Variants in CATSPERE observed in about 807,000 individuals in gnomAD.
The protein encoded by CATSPERE is catsper channel auxiliary subunit epsilon.
CATSPERE carries 93 observed loss-of-function variants against 114.1 expected under a neutral mutation model. The observed-to-expected ratio is 0.81, with a 90% CI of 0.69 to 0.97. The LOEUF is 0.97. Ranked by LOEUF, CATSPERE falls within the 50% of genes least tolerant of loss-of-function variation. The pLI is 0.00. For missense variants in CATSPERE, 1,058 were observed against 1,131.6 expected, an observed-to-expected ratio of 0.93 and a Z score of 0.93; for synonymous variants, 341 against 384.1, an observed-to-expected ratio of 0.89 and a Z score of 1.31.
At chr1:244,466,028 G>A (rs1667549476) in intron 2 of CATSPERE, among the ~76,000 whole-genome samples, 2 of 152,256 alleles carry the variant, frequency 1.3e-5, no homozygotes, top group African/African-American at 4.8e-5. Context: ...GTAAAAAATA[G>A]TCGCTATAAG....
At position 244,524,020 on chromosome 1, in the gene CATSPERE, G is replaced by A. The variant is rs947153183; in HGVS notation, c.536+5322G>A. Among the ~76,000 whole-genome samples, 19 of 150,982 alleles carry A rather than the reference G, an allele frequency of 1.3e-4. No individual in the cohort carries two copies. The East Asian group carries it at 2.3e-3, about 18-fold the overall frequency. Reference sequence around the variant, plus strand: ...TTCATATGGAACCAAAAAAGAGCCCGCATCTCCAAGTCAATCCTAAGCCAA... The same window carrying A: ...TTCATATGGAACCAAAAAAGAGCCCACATCTCCAAGTCAATCCTAAGCCAA... On this transcript the variant is annotated intron_variant, in intron 8 of 21. Transcript: ENST00000366534.
intron 10 of CATSPERE, among the ~76,000 whole-genome samples, chr1:244,566,652 CTTTTTTTTTTTTTTTTTTTTT>C (rs59466928): frequency 1.4e-4 from 7 of 49,070 alleles, no homozygotes; most frequent in Non-Finnish European, 3.5e-4. Context: ...GCAACCCCTG[CTTTTTTTTTTTTTTTTTTTTT>C]TTTTTTTTTT....
intron 5 of CATSPERE, among the ~76,000 whole-genome samples, chr1:244,485,158 TCA>T (rs1321482819): frequency 6.6e-6 from 1 of 151,092 alleles, no homozygotes; most frequent in Non-Finnish European, 1.5e-5. Context: ...TCTGGAAAAT[TCA>T]CATTGTCTTT....
At chr1:244,501,056 C>T (rs1225953281) in intron 7 of CATSPERE, among the ~76,000 whole-genome samples, 1 of 152,148 alleles carries the variant, frequency 6.6e-6, no homozygotes, top group Non-Finnish European at 1.5e-5. Context: ...AGAGGTCCCT[C>T]ACATCCCTTG....
intron 20 of CATSPERE, among the ~76,000 whole-genome samples, chr1:244,624,506 C>T (rs1672833092): frequency 6.6e-6 from 1 of 152,012 alleles, no homozygotes; most frequent in Non-Finnish European, 1.5e-5. Context: ...TAGATCTCAT[C>T]TCAAGAAAGC....
intron 6 of CATSPERE, among the ~76,000 whole-genome samples, chr1:244,492,717 T>G (rs61844027): frequency 0.1 from 15,474 of 149,908 alleles, 772 homozygotes; most frequent in South Asian, 0.14. Context: ...GCCCAAAATC[T>G]CCTTAAGCTG....
In CATSPERE at chr1:244,575,920, G is replaced by A. The variant is rs1329734684; in HGVS notation, c.1950+3148G>A. On this transcript the variant is annotated intron_variant, in intron 11 of 21. Coordinates refer to ENST00000366534, the MANE Select transcript of CATSPERE (RefSeq NM_001130957.2). The surrounding 1 kb of genome is among the most constrained non-coding windows in gnomAD (Gnocchi z 4.5). ...CTTTTTAACCTCTAAGACACCCTAA[G>A]AAATACTTCACCGCCTCCCATGGCT... 6.6e-6 allele frequency among the ~76,000 whole-genome samples: 1 copy of A among 152,020 alleles called. No individual in the cohort carries two copies. Among genetic ancestry groups the A allele is most frequent in the Non-Finnish European group, 1.5e-5 (1 of 68,004 alleles).
intron 2 of CATSPERE, among the ~76,000 whole-genome samples, chr1:244,470,469 C>T (rs1182674584): frequency 6.6e-6 from 1 of 152,154 alleles, no homozygotes; most frequent in Non-Finnish European, 1.5e-5. Flanking sequence ...TAAGATACTA[C>T]TTCGCACCCG....
intron 9 of CATSPERE, among the ~76,000 whole-genome samples, chr1:244,560,386 AC>A (rs1361677285): frequency 1.6e-5 from 2 of 123,444 alleles, no homozygotes; most frequent in African/African-American, 6.2e-5. Flanking sequence ...GATACAATGG[AC>A]TTTGGAGACT....
chr1:244,508,552 T>C (rs963102762), intron 7 of CATSPERE, among the ~76,000 whole-genome samples: 6 of 151,788 alleles, frequency 4.0e-5, no homozygotes, highest in African/African-American at 9.7e-5. Flanking sequence ...CCGCCCACCT[T>C]GGCCTCCCAA....
At chr1:244,522,528 AAATT>A in intron 8 of CATSPERE, among the ~76,000 whole-genome samples, 2 of 152,340 alleles carry the variant, frequency 1.3e-5, no homozygotes, top group Middle Eastern at 6.8e-3. Context: ...ACCATTCAAA[AAATT>A]AACGAATACA....
intron 20 of CATSPERE, among the ~76,000 whole-genome samples, chr1:244,628,539 A>C (rs1189152457): frequency 1.3e-5 from 2 of 152,150 alleles, no homozygotes; most frequent in East Asian, 3.9e-4. Flanking sequence ...TACTAGTCTC[A>C]TTCTAAGAAT....
chr1:244,463,908 G>T lies in CATSPERE; in HGVS notation c.66G>T (p.Arg22Ser), dbSNP rs374431482. 1.3e-6 allele frequency: 2 copies of T among 1,596,652 alleles called. No individual in the cohort carries two copies. Among genetic ancestry groups the T allele is most frequent in the African/African-American group, 2.7e-5 (2 of 74,482 alleles). Residue 22 changes from arginine to serine, a missense_variant and splice_region_variant, in exon 2 of 22, where the codon AGG becomes AGT. By Grantham distance (110) the Arg-to-Ser change is moderately radical (BLOSUM62 -1). Coordinates refer to ENST00000366534, the MANE Select transcript of CATSPERE (RefSeq NM_001130957.2). Reference sequence around the variant, plus strand: ...TTATACTTGGCCTCTTCCTCCACAGGTATTCCACTAACAGCCCAAACTATC... The same window carrying T: ...TTATACTTGGCCTCTTCCTCCACAGTTATTCCACTAACAGCCCAAACTATC... ...WLSCYGSALW[R>S]YSTNSPNYRI...
intron 7 of CATSPERE, chr1:244,515,276 G>C (rs1478351420): frequency 3.1e-6 from 3 of 953,644 alleles, no homozygotes; most frequent in Non-Finnish European, 3.7e-6. Flanking sequence ...CTTCTGTCTA[G>C]AATTCCCTGA....
chr1:244,518,726 T>C (rs1677041216), intron 8 of CATSPERE, 28 bp downstream of exon 8: 2 of 1,180,874 alleles, frequency 1.7e-6, no homozygotes. Context: ...ATTTTAAATA[T>C]AGAAATATGA....
At chr1:244,495,870 C>G (rs550201190) in intron 6 of CATSPERE, among the ~76,000 whole-genome samples, 1 of 152,310 alleles carries the variant, frequency 6.6e-6, no homozygotes, top group East Asian at 1.9e-4. Flanking sequence ...ACCCAGATTT[C>G]AGATGCACAT....
chr1:244,598,709 C>T (rs1668770713), intron 17 of CATSPERE: 1 of 205,028 alleles, frequency 4.9e-6, no homozygotes, highest in South Asian at 6.9e-5. Context: ...TCTTTTGTTG[C>T]TCGCACTACA....
intron 2 of CATSPERE, among the ~76,000 whole-genome samples, chr1:244,469,332 AG>A (rs2148107075): frequency 6.6e-6 from 1 of 152,338 alleles, no homozygotes; most frequent in African/African-American, 2.4e-5. Flanking sequence ...AGTACATATA[AG>A]GAGATTAAGT....
intron 2 of CATSPERE, among the ~76,000 whole-genome samples, chr1:244,472,852 A>G (rs1016181824): frequency 6.6e-6 from 1 of 152,138 alleles, no homozygotes; most frequent in Non-Finnish European, 1.5e-5. Context: ...CTTTTCCAGA[A>G]TGTCATTTAG....
Sources: gnomAD v4.1 joint callset for allele counts (sites outside exome capture counted in the v4.1 genomes callset) on GRCh38, gnomAD v4.1.1 for gene constraint, Gnocchi (gnomAD v3.1) non-coding constraint, MANE v1.5 for transcripts, NCBI Gene and HGNC (gene_info 2026-07-23, HGNC 2026-07-21) for gene names.